ANKRD17: variants seen among roughly 807,000 people sequenced by gnomAD.
ANKRD17 encodes the protein ankyrin repeat domain 17.
In ANKRD17, 19 loss-of-function variants were observed where a neutral mutation model predicts 229.7. The observed-to-expected ratio is 0.08, with a 90% CI of 0.06 to 0.12. The LOEUF (loss-of-function observed/expected upper bound fraction) is 0.12. Among genes scored for constraint, ANKRD17 ranks in the 10% least tolerant of loss-of-function variants. The pLI, the probability that ANKRD17 is intolerant of heterozygous loss-of-function variation, is 1.00. For synonymous variants in ANKRD17, 1,112 were observed against 1,146.1 expected (o/e 0.97, Z 0.60); for missense variants, 2,176 against 3,176.8 (o/e 0.68, Z 7.57).
intron 23 of ANKRD17, among the ~76,000 whole-genome samples, chr4:73,115,059 A>C (rs1725778579): frequency 6.6e-6 from 1 of 152,200 alleles, no homozygotes; most frequent in Admixed American, 6.5e-5. Context: ...GTTAAAACTA[A>C]AAGTTAGTTA....
At chr4:73,238,789 A>T (rs2149256476) in intron 1 of ANKRD17, among the ~76,000 whole-genome samples, 1 of 152,288 alleles carries the variant, frequency 6.6e-6, no homozygotes, top group Non-Finnish European at 1.5e-5. Context: ...GGATGGTAAG[A>T]AGGCAGTACA....
intron 1 of ANKRD17, among the ~76,000 whole-genome samples, chr4:73,251,235 G>C (rs1430367512): frequency 6.6e-6 from 1 of 152,066 alleles, no homozygotes; most frequent in Non-Finnish European, 1.5e-5. Flanking sequence ...AGCATGCTTG[G>C]GGAAAATAAC....
chr4:73,171,220 A>AGAGAGG (rs1401981245), intron 2 of ANKRD17, among the ~76,000 whole-genome samples: 2 of 137,528 alleles, frequency 1.5e-5, no homozygotes, highest in East Asian at 2.1e-4. Flanking sequence ...AGAGAGAGAG[A>AGAGAGG]GACTGAGACT....
At chr4:73,228,831 C>T (rs528421306) in intron 1 of ANKRD17, among the ~76,000 whole-genome samples, 12 of 152,296 alleles carry the variant, frequency 7.9e-5, no homozygotes, top group Admixed American at 2.0e-4. Flanking sequence ...GGCACATGCA[C>T]ACGTATGTTT....
chr4:73,190,563 AC>A (rs1318779541), intron 1 of ANKRD17, among the ~76,000 whole-genome samples: 4 of 150,272 alleles, frequency 2.7e-5, no homozygotes, highest in African/African-American at 9.8e-5. Context: ...AAAAAACAAA[AC>A]AAAAAAAAAA....
At chr4:73,105,645 T>C (rs1476945826) in intron 24 of ANKRD17, among the ~76,000 whole-genome samples, 1 of 152,164 alleles carries the variant, frequency 6.6e-6, no homozygotes, top group Non-Finnish European at 1.5e-5. Context: ...GAAGGATTTG[T>C]CAGTTAAGAT....
At position 73,140,511 on chromosome 4, in the gene ANKRD17, A is replaced by G. The variant is rs534232089; in HGVS notation, c.2333-228T>C. On this transcript the variant is annotated intron_variant, in intron 14 of 33. Coordinates refer to ENST00000358602, the MANE Select transcript of ANKRD17 (RefSeq NM_032217.5). ...GTAAATTAATTTCAGAATCTTAAAA[A>G]TAGCACATGGCTTAAATTAGACAAT... is the stretch of plus-strand genomic sequence containing the variant. Among the ~76,000 whole-genome samples, 82 of 152,376 alleles carry G rather than the reference A, an allele frequency of 5.4e-4. 1 individual carries two copies. The South Asian group carries it at 0.016, about 29-fold the overall frequency.
At chr4:73,093,321 G>A (rs766664559) in intron 28 of ANKRD17, among the ~76,000 whole-genome samples, 7 of 150,784 alleles carry the variant, frequency 4.6e-5, no homozygotes, top group South Asian at 4.2e-4. Context: ...CATATTCGAC[G>A]AGTTATTCAA....
chr4:73,217,078 G>A (rs1353006892), intron 1 of ANKRD17, among the ~76,000 whole-genome samples: 1 of 152,176 alleles, frequency 6.6e-6, no homozygotes, highest in Non-Finnish European at 1.5e-5. Flanking sequence ...AAGGGCCAAT[G>A]TTGTTGCCTC....
At position 73,147,326 on chromosome 4, in the gene ANKRD17, G is replaced by A. The variant is rs147154404; in HGVS notation, c.1674C>T (p.Ala558=). ...EVADFLIKAG[A]DIELGCSTPL... is the part of the protein sequence containing the mutation. The stretch of plus-strand genomic sequence containing the variant: ...GGGTAGAACACCCTAGTTCTATATC[G>A]GCTCCTGCCTTAATTAGAAAGTCTG... Residue 558 remains alanine (A), a synonymous_variant, in exon 9 of 34, where the codon GCC becomes GCT. Transcript: ENST00000358602. 2.3e-4 allele frequency: 369 copies of A among 1,609,440 alleles called. No individual in the cohort carries two copies. Among genetic ancestry groups the A allele is most frequent in the Non-Finnish European group, 2.6e-4 (303 of 1,177,406 alleles).
At chr4:73,161,098 G>C (rs914774795) in intron 3 of ANKRD17, 94 bp downstream of exon 3, 3 of 1,458,438 alleles carry the variant, frequency 2.1e-6, no homozygotes, top group Admixed American at 4.2e-5. Context: ...CACAGTGCCA[G>C]CCAGGCACAA....
intron 2 of ANKRD17, among the ~76,000 whole-genome samples, chr4:73,165,589 C>A (rs1045411952): frequency 6.6e-6 from 1 of 152,264 alleles, no homozygotes; most frequent in African/African-American, 2.4e-5. Context: ...CATCCTACAA[C>A]CTTGGGACTG....
intron 1 of ANKRD17, among the ~76,000 whole-genome samples, chr4:73,236,665 A>C (rs1167560383): frequency 1.3e-5 from 2 of 152,234 alleles, no homozygotes; most frequent in Non-Finnish European, 2.9e-5. Flanking sequence ...CTGGGAAAAA[A>C]AAAATGACAA....
At position 73,176,087 on chromosome 4, in the gene ANKRD17, A is replaced by G. The variant is rs184758524; in HGVS notation, c.547+1293T>C. Among the ~76,000 whole-genome samples the G allele has an allele frequency of 1.9e-3, 283 of 152,266 alleles. 6 individuals carry two copies. The highest frequency in any genetic ancestry group is 1.9e-4 in the Non-Finnish European group (13 of 68,002). On this transcript the variant is annotated intron_variant, in intron 2 of 33. Transcript: ENST00000358602. ...CAATGAATTGATAACCAGAATATAT[A>G]AGGAGCTCAAACAATAGGAAAAAAA...
At chr4:73,087,373 C>T (rs551866376) in intron 29 of ANKRD17, among the ~76,000 whole-genome samples, 2 of 152,254 alleles carry the variant, frequency 1.3e-5, no homozygotes, top group African/African-American at 4.8e-5. Flanking sequence ...GTGTGAGCCA[C>T]CACATCCAGC....
At chr4:73,140,356 T>G (rs1161552047) in intron 14 of ANKRD17, 73 bp from the exon 15 acceptor site, 2 of 1,478,644 alleles carry the variant, frequency 1.4e-6, no homozygotes, top group Non-Finnish European at 1.8e-6. Context: ...GTTGGGAGGT[T>G]TAGTGCCAAC....
chr4:73,089,046 T>A (rs1013701660), intron 29 of ANKRD17, among the ~76,000 whole-genome samples: 9 of 136,548 alleles, frequency 6.6e-5, no homozygotes, highest in East Asian at 2.0e-4. Flanking sequence ...TCTTTTTAAA[T>A]TTTTTTTTTT....
Position 73,167,747 on chromosome 4 carries a change from C to T in ANKRD17, c.548-6399G>A, listed in dbSNP as rs115685631. On this transcript the variant is annotated intron_variant, in intron 2 of 33. Transcript: ENST00000358602. Reference sequence around the variant, plus strand: ...AGTTTTCTTTACTCCAAGACAGGACCGTGCACATGCCCTGATTATGTTTCC... The same window carrying T: ...AGTTTTCTTTACTCCAAGACAGGACTGTGCACATGCCCTGATTATGTTTCC... Among the ~76,000 whole-genome samples, 800 of 152,280 alleles carry T rather than the reference C, an allele frequency of 5.3e-3. 6 individuals carry two copies. The highest frequency in any genetic ancestry group is 0.018 in the African/African-American group (740 of 41,536).
At chr4:73,133,689 C>G (rs145651735) in intron 16 of ANKRD17, among the ~76,000 whole-genome samples, 1 of 152,052 alleles carries the variant, frequency 6.6e-6, no homozygotes, top group South Asian at 2.1e-4. Flanking sequence ...CCACCACGCC[C>G]GGCCATCTCG....
Sources: gnomAD v4.1 joint callset for allele counts (sites outside exome capture counted in the v4.1 genomes callset) on GRCh38, gnomAD v4.1.1 for gene constraint, MANE v1.5 for transcripts, NCBI Gene and HGNC (gene_info 2026-07-23, HGNC 2026-07-21) for gene names.